Variants in KCNT2 observed in about 807,000 individuals in gnomAD.
The protein encoded by KCNT2 is potassium channel subfamily T member 2.
Under a neutral mutation model 153.8 loss-of-function variants are expected in KCNT2, and 67 were observed. The ratio of observed to expected loss-of-function variants is 0.44; its 90% CI spans 0.36 to 0.53. The LOEUF is 0.53. Among genes scored for constraint, KCNT2 ranks in the 20% least tolerant of loss-of-function variants. The probability of loss-of-function intolerance (pLI) is 0.00; values close to 1 mark genes in which losing one functional copy is unlikely to be tolerated. For synonymous variants in KCNT2, 500 were observed against 458.8 expected, an observed-to-expected ratio of 1.09 and a Z score of -1.15; for missense variants, 975 against 1,354.8, an observed-to-expected ratio of 0.72 and a Z score of 4.40.
rs776703328 is a variant in KCNT2, at chr1:196,488,660, T to C, written c.275+1178A>G. 7.2e-5 allele frequency among the ~76,000 whole-genome samples: 11 copies of C among 152,004 alleles called. No homozygotes were observed. In the East Asian group the frequency reaches 9.6e-4, roughly 13 times the overall value. On this transcript the variant is annotated intron_variant, in intron 3 of 27. Coordinates refer to ENST00000294725, the MANE Select transcript of KCNT2 (RefSeq NM_198503.5). ...TATGATTGTAGAATAATTTGTTACA[T>C]GAACCATTTTAATAACACTGACATC...
intron 5 of KCNT2, among the ~76,000 whole-genome samples, chr1:196,478,194 A>G (rs138102227): frequency 6.6e-6 from 1 of 152,242 alleles, no homozygotes; most frequent in African/African-American, 2.4e-5. Context: ...CTTCATAATT[A>G]ATCTTTCATT....
intron 23 of KCNT2, among the ~76,000 whole-genome samples, chr1:196,283,667 T>C (rs1234365312): frequency 6.6e-6 from 1 of 152,120 alleles, no homozygotes; most frequent in Non-Finnish European, 1.5e-5. Flanking sequence ...AAAGTCCCAC[T>C]GAAGAGAAAT....
At chr1:196,490,956 A>G (rs1052826316) in intron 2 of KCNT2, among the ~76,000 whole-genome samples, 2 of 151,962 alleles carry the variant, frequency 1.3e-5, no homozygotes, top group African/African-American at 4.8e-5. Flanking sequence ...TTACCAGTAA[A>G]AAGGTCGATG....
At chr1:196,410,196 T>C (rs185575765) in intron 12 of KCNT2, among the ~76,000 whole-genome samples, 43 of 151,886 alleles carry the variant, frequency 2.8e-4, no homozygotes, top group Non-Finnish European at 4.0e-4. Flanking sequence ...TATTAAGCTA[T>C]AGAAATTCCT....
chr1:196,232,611 G>A (rs1293081526), intron 27 of KCNT2, among the ~76,000 whole-genome samples: 1 of 151,344 alleles, frequency 6.6e-6, no homozygotes, highest in Admixed American at 6.6e-5. Flanking sequence ...TTTAATAGCA[G>A]TCAAGTTGAT....
At chr1:196,327,347 T>A (rs796299325) in intron 18 of KCNT2, among the ~76,000 whole-genome samples, 9 of 150,280 alleles carry the variant, frequency 6.0e-5, no homozygotes, top group African/African-American at 2.2e-4. Context: ...AACCCCTAAC[T>A]GTCTACATGC....
At chr1:196,303,512 C>T (rs1260524795) in intron 22 of KCNT2, among the ~76,000 whole-genome samples, 5 of 152,168 alleles carry the variant, frequency 3.3e-5, no homozygotes, top group South Asian at 4.2e-4. Flanking sequence ...TCAACTGACT[C>T]GTCAACAACT....
At chr1:196,397,188 GT>G (rs1268943143) in intron 13 of KCNT2, among the ~76,000 whole-genome samples, 1 of 151,340 alleles carries the variant, frequency 6.6e-6, no homozygotes, top group Non-Finnish European at 1.5e-5. Context: ...CATTTTAAGA[GT>G]TTACTTAGTG....
At chr1:196,594,605 A>G (rs1663824815) in intron 1 of KCNT2, among the ~76,000 whole-genome samples, 1 of 152,186 alleles carries the variant, frequency 6.6e-6, no homozygotes, top group Non-Finnish European at 1.5e-5. Context: ...GTTATGTTAT[A>G]CCTTCAAAAA....
chr1:196,337,163 G>C (rs553014721), intron 16 of KCNT2, among the ~76,000 whole-genome samples: 1 of 142,820 alleles, frequency 7.0e-6, no homozygotes, highest in African/African-American at 2.6e-5. Flanking sequence ...CTTCACCCCC[G>C]CAAAACCTGC....
At chr1:196,391,856 A>T (rs77659474) in intron 13 of KCNT2, among the ~76,000 whole-genome samples, 3,025 of 151,468 alleles carry the variant, frequency 0.02, 99 homozygotes, top group African/African-American at 0.069. Context: ...TAAATCTAAA[A>T]CTATTGCATA....
chr1:196,372,332 A>C (rs553474101), intron 14 of KCNT2, among the ~76,000 whole-genome samples: 40 of 152,086 alleles, frequency 2.6e-4, no homozygotes, highest in African/African-American at 9.4e-4. Context: ...ACTTCACCTA[A>C]ACAATTATCA....
At chr1:196,470,586 A>G (rs920811789) in intron 5 of KCNT2, among the ~76,000 whole-genome samples, 3 of 152,172 alleles carry the variant, frequency 2.0e-5, no homozygotes, top group Non-Finnish European at 4.4e-5. Flanking sequence ...GATAGGCCAC[A>G]AAAGCTTTAC....
chr1:196,238,162 A>G (rs918400799), intron 26 of KCNT2, among the ~76,000 whole-genome samples: 4 of 151,952 alleles, frequency 2.6e-5, no homozygotes, highest in African/African-American at 9.7e-5. Flanking sequence ...CTCAGTCAAT[A>G]TCAACACCTA....
At chr1:196,524,601 T>G (rs1003707644) in intron 1 of KCNT2, among the ~76,000 whole-genome samples, 1 of 152,170 alleles carries the variant, frequency 6.6e-6, no homozygotes, top group African/African-American at 2.4e-5. Flanking sequence ...ACAAGACATA[T>G]TACATAATAC....
intron 26 of KCNT2, among the ~76,000 whole-genome samples, chr1:196,256,330 G>A (rs1656490069): frequency 6.6e-6 from 1 of 151,864 alleles, no homozygotes; most frequent in Admixed American, 6.6e-5. Flanking sequence ...AATCAATCAT[G>A]AAAAAATTAA....
intron 1 of KCNT2, among the ~76,000 whole-genome samples, chr1:196,602,563 T>C (rs1055290321): frequency 6.6e-6 from 1 of 152,184 alleles, no homozygotes; most frequent in African/African-American, 2.4e-5. Context: ...GCTGTTAAAT[T>C]AAATCAAACT....
At chr1:196,237,037 T>G (rs1202868695) in intron 26 of KCNT2, among the ~76,000 whole-genome samples, 1 of 151,582 alleles carries the variant, frequency 6.6e-6, no homozygotes, top group Non-Finnish European at 1.5e-5. Flanking sequence ...AAGAACTAAA[T>G]TTTTCAGTTT....
chr1:196,556,310 CTAA>C (rs1164025475), intron 1 of KCNT2, among the ~76,000 whole-genome samples: 1 of 151,236 alleles, frequency 6.6e-6, no homozygotes, highest in Non-Finnish European at 1.5e-5. Context: ...GGAAAACCAT[CTAA>C]TAATTCAATT....
Sources: gnomAD v4.1 joint callset for allele counts (sites outside exome capture counted in the v4.1 genomes callset) on GRCh38, gnomAD v4.1.1 for gene constraint, MANE v1.5 for transcripts, NCBI Gene and HGNC (gene_info 2026-07-23, HGNC 2026-07-21) for gene names.